Variants in SRRM3 observed in about 807,000 individuals in gnomAD.
SRRM3 encodes the protein serine/arginine repetitive matrix 3, also known as serine/arginine repetitive matrix protein 3.
Under a neutral mutation model 66.2 loss-of-function variants are expected in SRRM3, and 27 were observed. That is an observed-to-expected ratio of 0.41 (90% CI 0.30 to 0.56). SRRM3 has a LOEUF of 0.56. Ranked by LOEUF, SRRM3 falls within the 20% of genes least tolerant of loss-of-function variation. The pLI, the probability that SRRM3 is intolerant of heterozygous loss-of-function variation, is 0.32. For missense variants in SRRM3, 918 were observed against 991.9 expected (o/e 0.93, Z 1.00); for synonymous variants, 391 against 414.9 (o/e 0.94, Z 0.70).
At position 76,235,177 on chromosome 7, in the gene SRRM3, G is replaced by A. The variant is rs782802219; in HGVS notation, c.111G>A (p.Glu37=). Residue 37 remains glutamate, a synonymous_variant, in exon 2 of 15, where the codon GAG becomes GAA. Transcript: ENST00000611745. ...CGGGGACCTGGCCGCGGGCGGAAGA[G>A]GAGCTGCGCGCCGCGGAGCCGGGCC... ...SSSGTWPRAE[E]ELRAAEPGLV... 1 of 1,550,390 alleles carries A rather than the reference G, an allele frequency of 6.4e-7. No homozygotes were observed. Among genetic ancestry groups the A allele is most frequent in the Non-Finnish European group, 8.6e-7 (1 of 1,156,116 alleles).
At chr7:76,224,193 C>T (rs1157324672) in intron 1 of SRRM3, among the ~76,000 whole-genome samples, 2 of 143,402 alleles carry the variant, frequency 1.4e-5, no homozygotes, top group African/African-American at 5.2e-5. Flanking sequence ...GATTCCCCTG[C>T]CACAGCCTCC....
chr7:76,272,088 C>G (rs1802229216), intron 11 of SRRM3, among the ~76,000 whole-genome samples: 3 of 152,194 alleles, frequency 2.0e-5, no homozygotes, highest in Admixed American at 6.5e-5. Flanking sequence ...GCCCTCCTGT[C>G]CAGTCTTACC....
intron 1 of SRRM3, among the ~76,000 whole-genome samples, chr7:76,220,922 G>A (rs1191076387): frequency 6.6e-6 from 1 of 152,114 alleles, no homozygotes; most frequent in Non-Finnish European, 1.5e-5. Context: ...GGAGGGTTGG[G>A]TAACAAACAG....
chr7:76,275,105 CAAA>C (rs199917871), intron 11 of SRRM3, among the ~76,000 whole-genome samples: 4 of 85,598 alleles, frequency 4.7e-5, no homozygotes, highest in Admixed American at 1.2e-4. Flanking sequence ...GACTCAGTCT[CAAA>C]AAAAAAAAAA....
chr7:76,240,246 G>A (rs1338760034), intron 2 of SRRM3, among the ~76,000 whole-genome samples: 3 of 152,110 alleles, frequency 2.0e-5, no homozygotes, highest in Non-Finnish European at 1.5e-5. Context: ...CACTTTGGGA[G>A]GCTGACGTGA....
chr7:76,258,308 T>C (rs185501913), intron 3 of SRRM3, among the ~76,000 whole-genome samples: 2 of 152,108 alleles, frequency 1.3e-5, no homozygotes, highest in Non-Finnish European at 1.5e-5. Flanking sequence ...AGGGAGGCAC[T>C]CAGCCAGCGG....
chr7:76,236,004 T>TAAAAAAAAAAAAA (rs1801140390), intron 2 of SRRM3, among the ~76,000 whole-genome samples: 1 of 20,642 alleles, frequency 4.8e-5, no homozygotes, highest in African/African-American at 4.2e-4. Flanking sequence ...AGATTCTGTC[T>TAAAAAAAAAAAAA]CAAAAAAAAA....
At chr7:76,279,826 T>C (rs1210047570) in intron 11 of SRRM3, among the ~76,000 whole-genome samples, 3 of 152,210 alleles carry the variant, frequency 2.0e-5, no homozygotes, top group Middle Eastern at 3.4e-3. Flanking sequence ...AACTCCACTT[T>C]TGGAAAAACA....
At chr7:76,245,331 G>A (rs1476481358) in intron 2 of SRRM3, among the ~76,000 whole-genome samples, 4 of 152,076 alleles carry the variant, frequency 2.6e-5, no homozygotes, top group African/African-American at 9.7e-5. Context: ...TACCATTTTC[G>A]TGGATGGCTG....
intron 1 of SRRM3, among the ~76,000 whole-genome samples, chr7:76,212,348 T>A (rs140439640): frequency 1.4e-5 from 2 of 141,822 alleles, no homozygotes; most frequent in East Asian, 4.3e-4. Flanking sequence ...TTAAAGACAG[T>A]GTTTTGCTAT....
chr7:76,226,488 G>A (rs1198018747), intron 1 of SRRM3, among the ~76,000 whole-genome samples: 1 of 152,270 alleles, frequency 6.6e-6, no homozygotes, highest in Non-Finnish European at 1.5e-5. Context: ...GACAGCCTCA[G>A]TTGAACTCTA....
chr7:76,206,059 G>A (rs1223987049), intron 1 of SRRM3, among the ~76,000 whole-genome samples: 1 of 152,168 alleles, frequency 6.6e-6, no homozygotes, highest in Non-Finnish European at 1.5e-5. Context: ...TCAGGCTGGA[G>A]TGCAGTGGCA....
chr7:76,219,698 C>T (rs1800663354), intron 1 of SRRM3, among the ~76,000 whole-genome samples: 1 of 152,168 alleles, frequency 6.6e-6, no homozygotes, highest in Non-Finnish European at 1.5e-5. Flanking sequence ...CACTTGAGGT[C>T]AGGAGTTTGA....
chr7:76,219,128 G>T (rs534365338), intron 1 of SRRM3, among the ~76,000 whole-genome samples: 3 of 152,204 alleles, frequency 2.0e-5, no homozygotes, highest in Non-Finnish European at 4.4e-5. Flanking sequence ...GATTACAGGC[G>T]TGAGCCACCA....
In SRRM3 at chr7:76,282,776, G is replaced by C; in HGVS notation, c.1499G>C (p.Ser500Thr). ...CCCGGCCCGCACCCCCGCTCCTGGA[G>C]CTCCAGCCGCTCGCCCTCCAAATCT... ...RSPGPHPRSWSSSRSPSKSRS... is the reference protein window; with the variant it reads ...RSPGPHPRSWTSSRSPSKSRS... The change falls in exon 13 of 15, where the codon AGC (serine) becomes ACC (threonine). Residue 500 changes from serine to threonine, a missense_variant. Coordinates refer to ENST00000611745, the MANE Select transcript of SRRM3 (RefSeq NM_001110199.3). 6.8e-7 allele frequency: 1 copy of C among 1,465,972 alleles called. No homozygotes were observed. Among genetic ancestry groups the C allele is most frequent in the Non-Finnish European group, 9.0e-7 (1 of 1,114,756 alleles). The allele number at this position is 1,465,972 out of a possible 1,614,324, so 90.8% of individuals were successfully genotyped here.
At chr7:76,244,791 T>G (rs1554606011) in intron 2 of SRRM3, among the ~76,000 whole-genome samples, 3 of 152,174 alleles carry the variant, frequency 2.0e-5, no homozygotes, top group African/African-American at 7.2e-5. Flanking sequence ...TTCTCTCTTC[T>G]CCAGCCATGA....
intron 11 of SRRM3, among the ~76,000 whole-genome samples, chr7:76,270,813 C>T (rs1455170166): frequency 4.4e-5 from 6 of 135,106 alleles, no homozygotes; most frequent in African/African-American, 1.3e-4. Context: ...GACTCCGTCT[C>T]GGAAAAAAAA....
At chr7:76,274,785 C>T (rs1802299876) in intron 11 of SRRM3, among the ~76,000 whole-genome samples, 1 of 152,198 alleles carries the variant, frequency 6.6e-6, no homozygotes, top group South Asian at 2.1e-4. Flanking sequence ...AAACTGTTTC[C>T]TTTCCCACCT....
chr7:76,221,359 C>CTTTTTTT lies in SRRM3; in HGVS notation c.-39-13654_-39-13648dup, dbSNP rs781915041. Among the ~76,000 whole-genome samples the CTTTTTTT allele has an allele frequency of 5.2e-5, 5 of 95,352 alleles. 1 individual carries two copies. The highest frequency in any genetic ancestry group is 2.2e-4 in the African/African-American group (4 of 18,252). 62.6% of individuals were successfully genotyped at this position (95,352 alleles called of 152,430 possible). On this transcript the variant is annotated intron_variant, in intron 1 of 14. Transcript: ENST00000611745. ...TTTGAGCCACTGGGCCTGCCCTCCT[C>CTTTTTTT]TTTTTTTTTTTTTTTTTTTTTGAGA...
Sources: gnomAD v4.1 joint callset for allele counts (sites outside exome capture counted in the v4.1 genomes callset) on GRCh38, gnomAD v4.1.1 for gene constraint, MANE v1.5 for transcripts, NCBI Gene and HGNC (gene_info 2026-07-23, HGNC 2026-07-21) for gene names.